CUX2: variants seen among roughly 807,000 people sequenced by gnomAD.
The protein encoded by CUX2 is cut like homeobox 2, also known as homeobox protein cut-like 2.
CUX2 carries 40 observed loss-of-function variants against 144.8 expected under a neutral mutation model. The ratio of observed to expected loss-of-function variants is 0.28; its 90% CI spans 0.21 to 0.36. The LOEUF (loss-of-function observed/expected upper bound fraction) is 0.36, where lower values mean the gene tolerates loss of function less well. Among genes scored for constraint, CUX2 ranks in the 10% least tolerant of loss-of-function variants. The pLI is 1.00. For synonymous variants in CUX2, 827 were observed against 875.6 expected (o/e 0.94, Z 0.98); for missense variants, 1,615 against 1,994.0 (o/e 0.81, Z 3.62).
intron 21 of CUX2, among the ~76,000 whole-genome samples, chr12:111,342,628 A>G (rs1337778986): frequency 6.6e-6 from 1 of 152,106 alleles, no homozygotes; most frequent in African/African-American, 2.4e-5. Context: ...ATAGAGTTGC[A>G]CAGAGGATTT....
chr12:111,195,231 T>A (rs1416462864), intron 1 of CUX2, among the ~76,000 whole-genome samples: 2 of 152,156 alleles, frequency 1.3e-5, no homozygotes, highest in African/African-American at 2.4e-5. Context: ...CCAACGCACC[T>A]TTTTTTCCCT....
intron 3 of CUX2, among the ~76,000 whole-genome samples, chr12:111,245,346 G>A (rs1314306830): frequency 6.6e-6 from 1 of 150,808 alleles, no homozygotes; most frequent in African/African-American, 2.4e-5. Flanking sequence ...GACCACCCTG[G>A]GCAACATAGT....
At chr12:111,317,961 C>T (rs890783360) in intron 16 of CUX2, among the ~76,000 whole-genome samples, 1 of 152,132 alleles carries the variant, frequency 6.6e-6, no homozygotes, top group African/African-American at 2.4e-5. Flanking sequence ...GATCACGCCA[C>T]TGCACTCCAG....
intron 1 of CUX2, among the ~76,000 whole-genome samples, chr12:111,120,222 A>T (rs951411070): frequency 2.6e-5 from 4 of 151,988 alleles, no homozygotes; most frequent in Admixed American, 6.5e-5. Context: ...CCTCTATATC[A>T]TTGCTATGCC....
chr12:111,122,688 A>C (rs886557774), intron 1 of CUX2, among the ~76,000 whole-genome samples: 8 of 152,216 alleles, frequency 5.3e-5, no homozygotes, highest in African/African-American at 1.9e-4. Context: ...AGTCAGGGAA[A>C]AAAGTTATGC....
At chr12:111,116,485 T>C (rs964298149) in intron 1 of CUX2, among the ~76,000 whole-genome samples, 50 of 152,338 alleles carry the variant, frequency 3.3e-4, no homozygotes, top group African/African-American at 1.1e-3. Flanking sequence ...AGTCAATATA[T>C]AGGCCCTGGC....
At chr12:111,150,096 C>A (rs1876939918) in intron 1 of CUX2, among the ~76,000 whole-genome samples, 1 of 152,192 alleles carries the variant, frequency 6.6e-6, no homozygotes, top group Non-Finnish European at 1.5e-5. Context: ...AAGATGCAGA[C>A]CAGAGTGTTC....
In CUX2 at chr12:111,165,170, G is replaced by A. The variant is rs150315118; in HGVS notation, c.64-49030G>A. On this transcript the variant is annotated intron_variant, in intron 1 of 21. Transcript: ENST00000261726. ...GTAAGGGACTAGGGGCTATTTATGC[G>A]GGTAAGGATGGGGTGGAGGCTATGA... is the stretch of plus-strand genomic sequence containing the variant. 8.7e-3 allele frequency among the ~76,000 whole-genome samples: 1,323 copies of A among 152,270 alleles called. 7 individuals carry two copies. The highest frequency in any genetic ancestry group is 0.036 in the South Asian group (174 of 4,824).
At chr12:111,330,762 G>T (rs371182812) in intron 18 of CUX2, among the ~76,000 whole-genome samples, 1 of 102,662 alleles carries the variant, frequency 9.7e-6, no homozygotes, top group East Asian at 4.9e-4. Context: ...AAGAGAGAGG[G>T]ATCATAGGCA....
Position 111,246,202 on chromosome 12 carries a change from G to A in CUX2, c.223-17559G>A, listed in dbSNP as rs889136581. 6.6e-5 allele frequency among the ~76,000 whole-genome samples: 10 copies of A among 152,198 alleles called. No homozygotes were observed. The highest frequency in any genetic ancestry group is 1.3e-4 in the Non-Finnish European group (9 of 68,030). On this transcript the variant is annotated intron_variant, in intron 3 of 21. Coordinates refer to ENST00000261726, the MANE Select transcript of CUX2 (RefSeq NM_015267.4). The surrounding 1 kb of genome is among the most constrained non-coding windows in gnomAD (Gnocchi z 4.0). ...CCGCACCTGCCACTGGTGTGACACAGAGATTCATATAGTGAACGCCACCAT... is the reference window on the plus strand; with the variant it reads ...CCGCACCTGCCACTGGTGTGACACAAAGATTCATATAGTGAACGCCACCAT...
At chr12:111,048,357 G>A (rs1870098086) in intron 1 of CUX2, among the ~76,000 whole-genome samples, 1 of 152,206 alleles carries the variant, frequency 6.6e-6, no homozygotes, top group African/African-American at 2.4e-5. Flanking sequence ...AAGCCTTTGG[G>A]CACGCAAACG....
intron 1 of CUX2, among the ~76,000 whole-genome samples, chr12:111,121,029 T>C (rs1592914958): frequency 6.6e-6 from 1 of 151,700 alleles, no homozygotes; most frequent in Non-Finnish European, 1.5e-5. Context: ...CTTTTAAGGG[T>C]TCTACGCTTG....
intron 1 of CUX2, among the ~76,000 whole-genome samples, chr12:111,172,605 CTG>C (rs1406004675): frequency 1.3e-5 from 2 of 152,252 alleles, no homozygotes; most frequent in Non-Finnish European, 2.9e-5. Flanking sequence ...GCTTTCCACT[CTG>C]TGCAGTTCCT....
At chr12:111,342,082 G>A (rs747771707) in intron 21 of CUX2, 29 bp downstream of exon 21, 46 of 1,584,266 alleles carry the variant, frequency 2.9e-5, no homozygotes, top group South Asian at 1.6e-4. Context: ...ACCCACAGGC[G>A]GGTGGCAGAA....
chr12:111,132,427 G>T (rs1875551403), intron 1 of CUX2, among the ~76,000 whole-genome samples: 1 of 152,140 alleles, frequency 6.6e-6, no homozygotes. Context: ...TGGGCTTGGG[G>T]ATTAACATTA....
chr12:111,211,703 G>A (rs993864389), intron 1 of CUX2, among the ~76,000 whole-genome samples: 15 of 152,046 alleles, frequency 9.9e-5, no homozygotes, highest in Admixed American at 4.6e-4. Flanking sequence ...GGCTAACACG[G>A]TGAAACCCTG....
At chr12:111,326,774 C>G (rs569089956) in intron 18 of CUX2, among the ~76,000 whole-genome samples, 1 of 151,940 alleles carries the variant, frequency 6.6e-6, no homozygotes, top group Non-Finnish European at 1.5e-5. Context: ...TGTGGTAGCA[C>G]GCATCTGTAA....
At chr12:111,240,492 C>T (rs1215276719) in intron 3 of CUX2, among the ~76,000 whole-genome samples, 1 of 152,232 alleles carries the variant, frequency 6.6e-6, no homozygotes, top group Admixed American at 6.5e-5. Flanking sequence ...AATACAAACT[C>T]CCGAGTTAAT....
In CUX2 at chr12:111,312,247, C is replaced by A; in HGVS notation, c.2002+46C>A. 6.6e-7 allele frequency: 1 copy of A among 1,507,982 alleles called. No homozygotes were observed. Among genetic ancestry groups the A allele is most frequent in the Non-Finnish European group, 9.0e-7 (1 of 1,105,440 alleles). 93.4% of individuals were successfully genotyped at this position (1,507,982 alleles called of 1,614,324 possible). ...CAAAGCCTGAGGCCCCCGGGGCCAG[C>A]TGCGAACAGGAGATGAGGCTTCGTC... On this transcript the variant is annotated intron_variant, in intron 16 of 21. Coordinates refer to ENST00000261726, the MANE Select transcript of CUX2 (RefSeq NM_015267.4). This position sits in a 1 kb window ranked among gnomAD's most constrained non-coding sequence, Gnocchi z 4.3.
Sources: gnomAD v4.1 joint callset for allele counts (sites outside exome capture counted in the v4.1 genomes callset) on GRCh38, gnomAD v4.1.1 for gene constraint, Gnocchi (gnomAD v3.1) non-coding constraint, MANE v1.5 for transcripts, NCBI Gene and HGNC (gene_info 2026-07-23, HGNC 2026-07-21) for gene names.